GSDMB: variants seen among roughly 807,000 people sequenced by gnomAD.
GSDMB encodes the protein gasdermin B.
GSDMB carries 32 observed loss-of-function variants against 42.9 expected under a neutral mutation model. That is an observed-to-expected ratio of 0.75 (90% CI 0.56 to 1.00). The LOEUF (loss-of-function observed/expected upper bound fraction) is 1.00. GSDMB is among the 50% of genes least tolerant of loss of function. The probability of loss-of-function intolerance (pLI) is 0.00; values close to 1 mark genes in which losing one functional copy is unlikely to be tolerated. For missense variants in GSDMB, 468 were observed against 498.5 expected, an observed-to-expected ratio of 0.94 and a Z score of 0.58; for synonymous variants, 175 against 193.7, an observed-to-expected ratio of 0.90 and a Z score of 0.80.
chr17:39,908,810 T>C, intron 5 of GSDMB, 148 bp downstream of exon 5: 3 of 670,242 alleles, frequency 4.5e-6, no homozygotes, highest in Non-Finnish European at 5.3e-6. Context: ...TTCCTAGTGC[T>C]GAACCCACCC....
intron 7 of GSDMB, 146 bp from the exon 8 acceptor site, chr17:39,906,417 T>G: frequency 1.1e-6 from 1 of 941,724 alleles, no homozygotes; most frequent in Non-Finnish European, 1.5e-6. Flanking sequence ...TTAAGCATCC[T>G]TCTTCCAAGA....
At chr17:39,918,158 A>T (rs1378244509) in intron 1 of GSDMB, 1 of 152,194 alleles carries the variant, frequency 6.6e-6, no homozygotes, top group African/African-American at 2.4e-5. Context: ...AATGACGGGC[A>T]CGGTTGCCAG....
intron 3 of GSDMB, among the ~76,000 whole-genome samples, chr17:39,910,686 GGC>G (rs140518849): frequency 0.023 from 3,575 of 152,268 alleles, 157 homozygotes; most frequent in African/African-American, 0.081. Flanking sequence ...TCTGCCCTTA[GGC>G]TCATGAAGCA....
At chr17:39,913,730 T>C (rs956667635) in intron 2 of GSDMB, among the ~76,000 whole-genome samples, 7 of 152,184 alleles carry the variant, frequency 4.6e-5, no homozygotes, top group Admixed American at 4.6e-4. Context: ...CAGGCACTAA[T>C]AAGGGCCTTG....
intron 2 of GSDMB, 39 bp downstream of exon 2, chr17:39,917,043 G>T (rs1157160170): frequency 1.5e-6 from 2 of 1,334,776 alleles, no homozygotes; most frequent in South Asian, 1.2e-5. Flanking sequence ...AACGGTCAAG[G>T]CCTCCTGGCT....
intron 10 of GSDMB, 126 bp from the exon 11 acceptor site, chr17:39,905,090 C>T: frequency 1.3e-6 from 1 of 793,814 alleles, no homozygotes; most frequent in Non-Finnish European, 2.1e-6. Context: ...GGCACTCTTT[C>T]CTGCAGAGCC....
intron 2 of GSDMB, among the ~76,000 whole-genome samples, 182 bp downstream of exon 2, chr17:39,916,900 T>G (rs1281499468): frequency 6.6e-6 from 1 of 152,176 alleles, no homozygotes; most frequent in East Asian, 1.9e-4. Context: ...AATCTCCACT[T>G]CTCCCACTCT....
intron 3 of GSDMB, 134 bp from the exon 4 acceptor site, chr17:39,910,058 C>T (rs2063580125): frequency 1.4e-6 from 1 of 709,626 alleles, no homozygotes; most frequent in Non-Finnish European, 2.4e-6. Context: ...GAACACAGCA[C>T]CCCATCGCAG....
rs773191356 is a variant in GSDMB at position 39,904,964 on chromosome 17, C to A, written c.1099G>T (p.Val367Leu). ...KGTLPLLKDQVKSVMEQNWDE... is the reference protein window; with the variant it reads ...KGTLPLLKDQLKSVMEQNWDE... ...CAGTTCTGCTCCATGACAGATTTCA[C>A]CTGGAAGGAAACCCCCCAGATTGTA... The change falls in exon 11 of 11, where the codon GTG becomes TTG. Residue 367 changes from valine (V) to leucine (L), a missense_variant and splice_region_variant. Transcript: ENST00000418519. 12 of 1,613,196 alleles carry A rather than the reference C, an allele frequency of 7.4e-6. No individual in the cohort carries two copies. In the South Asian group the frequency reaches 1.3e-4, roughly 18 times the overall value.
intron 2 of GSDMB, among the ~76,000 whole-genome samples, chr17:39,916,584 C>T (rs958671823): frequency 3.9e-5 from 6 of 152,048 alleles, no homozygotes; most frequent in African/African-American, 1.2e-4. Context: ...GCCACCGCAC[C>T]CATCCCTCAC....
intron 5 of GSDMB, 87 bp from the exon 6 acceptor site, chr17:39,908,301 C>A: frequency 4.7e-6 from 3 of 638,518 alleles, no homozygotes; most frequent in Non-Finnish European, 8.6e-6. Flanking sequence ...CAGTCCCTCT[C>A]AATCCCTATA....
chr17:39,909,993 C>G lies in GSDMB; in HGVS notation c.408-69G>C, dbSNP rs1261429497. ...TTACCTCCCACTGACTCTTTTCCCT[C>G]TCTGTGAGCCAGCTCCTATTGAAGA... is the stretch of plus-strand genomic sequence containing the variant. On this transcript the variant is annotated intron_variant, in intron 3 of 10. Transcript: ENST00000418519. The G allele has an allele frequency of 7.0e-6, 8 of 1,148,674 alleles. No homozygotes were observed. The African/African-American group carries it at 1.2e-4, about 18-fold the overall frequency. The allele number at this position is 1,148,674 out of a possible 1,614,324, so 71.2% of individuals were successfully genotyped here.
chr17:39,906,131 G>T lies in GSDMB; in HGVS notation c.868C>A (p.Arg290=). The change falls in exon 8 of 11, where the codon CGG becomes AGG. Residue 290 remains arginine (R), a synonymous_variant. Coordinates refer to ENST00000418519, the MANE Select transcript of GSDMB (RefSeq NM_001165958.2). ...LAKCLGKEDI[R]QDLEQRVSEV... is the part of the protein sequence containing the mutation. The stretch of plus-strand genomic sequence containing the variant: ...CTTACTCTTTGCTCTAGATCCTGCC[G>T]AATATCCTCCTTGCCGAGGCACTTA... 6.2e-7 allele frequency: 1 copy of T among 1,614,108 alleles called. No individual in the cohort carries two copies. Among genetic ancestry groups the T allele is most frequent in the Non-Finnish European group, 8.5e-7 (1 of 1,180,002 alleles).
chr17:39,911,201 T>C (rs1042428282), intron 3 of GSDMB, among the ~76,000 whole-genome samples: 4 of 151,468 alleles, frequency 2.6e-5, no homozygotes, highest in Admixed American at 2.6e-4. Context: ...CGGGCACCTG[T>C]AGTCCCAGCT....
At chr17:39,908,241 A>C in intron 5 of GSDMB, 27 bp from the exon 6 acceptor site, 1 of 1,407,474 alleles carries the variant, frequency 7.1e-7, no homozygotes, top group Non-Finnish European at 9.9e-7. Context: ...AAGGGAGGAA[A>C]AAACAAGTTA....
intron 6 of GSDMB, 90 bp from the exon 7 acceptor site, chr17:39,907,077 T>C (rs2063518346): frequency 6.3e-7 from 1 of 1,594,820 alleles, no homozygotes; most frequent in Middle Eastern, 1.7e-4. Context: ...GTTTTTACTC[T>C]TGCAATCTGA....
chr17:39,917,846 G>A (rs1320108566), intron 1 of GSDMB: 1 of 160,778 alleles, frequency 6.2e-6, no homozygotes, highest in Admixed American at 5.9e-5. Flanking sequence ...AGAGCCAAAG[G>A]TTCCAGGACA....
Position 39,905,867 on chromosome 17 carries a change from T to C in GSDMB, c.1007A>G (p.Asp336Gly). The change falls in exon 9 of 11, where the codon GAC becomes GGC. Residue 336 changes from aspartate (D) to glycine (G), a missense_variant. Transcript: ENST00000418519. ...CTCACCTAGCAGGGCATCCAGGAAG[T>C]CCAGAATGGCTTTTGCACGCGCTTC... is the stretch of plus-strand genomic sequence containing the variant. ...LVEARAKAIL[D>G]FLDALLELSE... The C allele has an allele frequency of 6.2e-7, 1 of 1,613,896 alleles. No homozygotes were observed. The highest frequency in any genetic ancestry group is 8.5e-7 in the Non-Finnish European group (1 of 1,179,924).
At chr17:39,915,009 G>C (rs936238882) in intron 2 of GSDMB, among the ~76,000 whole-genome samples, 22 of 152,026 alleles carry the variant, frequency 1.4e-4, no homozygotes, top group African/African-American at 4.3e-4. Context: ...GCTAATTTTT[G>C]TATTTTTAGT....
Sources: gnomAD v4.1 joint callset for allele counts (sites outside exome capture counted in the v4.1 genomes callset) on GRCh38, gnomAD v4.1.1 for gene constraint, MANE v1.5 for transcripts, NCBI Gene and HGNC (gene_info 2026-07-23, HGNC 2026-07-21) for gene names.